ITGA1: variants seen among roughly 807,000 people sequenced by gnomAD.
ITGA1 encodes the protein integrin subunit alpha 1.
Under a neutral mutation model 145.9 loss-of-function variants are expected in ITGA1, and 85 were observed. That is an observed-to-expected ratio of 0.58 (90% confidence interval 0.49 to 0.70). The LOEUF is 0.70. Ranked by LOEUF, ITGA1 falls within the 30% of genes least tolerant of loss-of-function variation. The pLI is 0.00. For missense variants in ITGA1, 1,351 were observed against 1,418.7 expected, an observed-to-expected ratio of 0.95 and a Z score of 0.77; for synonymous variants, 520 against 495.3, an observed-to-expected ratio of 1.05 and a Z score of -0.66.
chr5:52,915,476 G>A lies in ITGA1; in HGVS notation c.1870G>A (p.Gly624Ser). The A allele has an allele frequency of 6.2e-7, 1 of 1,613,990 alleles. No individual in the cohort carries two copies. The highest frequency in any genetic ancestry group is 2.2e-5 in the East Asian group (1 of 44,876). ...TGGATTCTCACAGCGTATTCCATCA[G>A]GTGGGGATGGTAAGACACTGAAATT... ...RKEYAQRIPS[G>S]GDGKTLKFFG... The change falls in exon 15 of 29, where the codon GGT (glycine) becomes AGT (serine). Residue 624 changes from glycine to serine, a missense_variant. Physicochemically the swap from Gly to Ser is moderately conservative, Grantham distance 56 (BLOSUM62 0). Coordinates refer to ENST00000282588, the MANE Select transcript of ITGA1 (RefSeq NM_181501.2).
intron 15 of ITGA1, among the ~76,000 whole-genome samples, chr5:52,917,543 A>G (rs1750665081): frequency 1.5e-5 from 2 of 130,230 alleles, no homozygotes; most frequent in Admixed American, 1.7e-4. Context: ...TGGTATGTGC[A>G]TATGCTGGTA....
chr5:52,844,021 A>T (rs1749297247), intron 1 of ITGA1, among the ~76,000 whole-genome samples: 1 of 152,078 alleles, frequency 6.6e-6, no homozygotes, highest in Non-Finnish European at 1.5e-5. Flanking sequence ...CCTCTTTCTC[A>T]CTTAGTTTTC....
intron 1 of ITGA1, among the ~76,000 whole-genome samples, chr5:52,793,950 T>C (rs914733355): frequency 6.6e-6 from 1 of 152,078 alleles, no homozygotes; most frequent in Non-Finnish European, 1.5e-5. Context: ...GTTGTGTATA[T>C]AGGAAGAAGA....
At chr5:52,940,534 G>A (rs1216350296) in intron 26 of ITGA1, among the ~76,000 whole-genome samples, 7 of 150,714 alleles carry the variant, frequency 4.6e-5, no homozygotes, top group African/African-American at 9.8e-5. Context: ...TCAGCCTCCC[G>A]AGTAGCTGGG....
rs770477894 is a variant in ITGA1 at position 52,937,479 on chromosome 5, C to T, written c.3043C>T (p.Pro1015Ser). 3.7e-6 allele frequency: 6 copies of T among 1,612,606 alleles called. No homozygotes were observed. In the Admixed American group the frequency reaches 6.7e-5, roughly 18 times the overall value. The stretch of plus-strand genomic sequence containing the variant: ...CCCCAATATGACATCAAATGGTTAC[C>T]CTGTGCTGTACCCAACTGGATTGTC... ...SFPNMTSNGY[P>S]VLYPTGLSSS... Residue 1015 changes from proline to serine, a missense_variant, in exon 24 of 29, where the codon CCT becomes TCT. Coordinates refer to ENST00000282588, the MANE Select transcript of ITGA1 (RefSeq NM_181501.2).
At chr5:52,920,249 A>G (rs1750710995) in intron 16 of ITGA1, 83 bp from the exon 17 acceptor site, 10 of 1,073,630 alleles carry the variant, frequency 9.3e-6, no homozygotes, top group Middle Eastern at 2.3e-4. Context: ...AGATTTTTCT[A>G]TAATGCTAAT....
At chr5:52,903,542 A>G (rs920640287) in intron 11 of ITGA1, 1 of 152,234 alleles carries the variant, frequency 6.6e-6, no homozygotes, top group Non-Finnish European at 1.5e-5. Flanking sequence ...GTGTTCCTTT[A>G]GCACTTGTAA....
chr5:52,827,372 C>G (rs902710854), intron 1 of ITGA1, among the ~76,000 whole-genome samples: 47 of 152,108 alleles, frequency 3.1e-4, no homozygotes, highest in African/African-American at 1.0e-3. Flanking sequence ...GAAATCAATT[C>G]CTGAAATCAA....
intron 1 of ITGA1, among the ~76,000 whole-genome samples, chr5:52,839,622 T>C (rs1296111030): frequency 6.6e-6 from 1 of 152,212 alleles, no homozygotes; most frequent in Admixed American, 6.5e-5. Flanking sequence ...TTTAAATGAA[T>C]TTTATTAATT....
intron 26 of ITGA1, among the ~76,000 whole-genome samples, chr5:52,944,636 G>A (rs16880544): frequency 0.017 from 2,660 of 152,228 alleles, 90 homozygotes; most frequent in East Asian, 0.15. Flanking sequence ...GTTGTTTCAT[G>A]TCTTGCTACA....
rs1751339924 is a variant in ITGA1 at position 52,958,922 on chromosome 5, C to CAT, written c.*6473_*6474dup. On this transcript the variant is annotated 3_prime_UTR_variant, in exon 29 of 29. Transcript: ENST00000282588. Reference sequence around the variant, plus strand: ...TCGATTGCATTCAGGAACAAAGAAGCATAACCTTTGTTGACTCTTGTAATT... The same window carrying CAT: ...TCGATTGCATTCAGGAACAAAGAAGCATATAACCTTTGTTGACTCTTGTAATT... The CAT allele has an allele frequency of 6.6e-6, 1 of 152,092 alleles. No homozygotes were observed. Among genetic ancestry groups the CAT allele is most frequent in the South Asian group, 2.1e-4 (1 of 4,828 alleles). The allele number at this position is 152,092 out of a possible 1,614,324, so 9.4% of individuals were successfully genotyped here.
intron 11 of ITGA1, chr5:52,902,936 T>G (rs1750339697): frequency 6.6e-6 from 1 of 152,154 alleles, no homozygotes; most frequent in African/African-American, 2.4e-5. Flanking sequence ...ATATTTATAA[T>G]TATTTTCCTT....
chr5:52,926,551 G>A (rs1402463563), intron 19 of ITGA1, among the ~76,000 whole-genome samples: 7 of 152,012 alleles, frequency 4.6e-5, no homozygotes, highest in African/African-American at 1.2e-4. Flanking sequence ...GCAGTGAGCC[G>A]AGATTGCACC....
chr5:52,866,375 TG>T (rs1038749792), intron 6 of ITGA1, among the ~76,000 whole-genome samples: 1 of 152,200 alleles, frequency 6.6e-6, no homozygotes, highest in Admixed American at 6.5e-5. Flanking sequence ...TTAATGCACT[TG>T]AAAAATAACT....
intron 1 of ITGA1, among the ~76,000 whole-genome samples, chr5:52,844,275 C>CA: frequency 6.6e-6 from 1 of 152,290 alleles, no homozygotes; most frequent in South Asian, 2.1e-4. Flanking sequence ...TCTCCTTACT[C>CA]AGACTTTCCA....
intron 14 of ITGA1, among the ~76,000 whole-genome samples, chr5:52,914,471 C>A (rs910503846): frequency 6.6e-6 from 1 of 151,880 alleles, no homozygotes; most frequent in Non-Finnish European, 1.5e-5. Flanking sequence ...CCCGTCTCTA[C>A]TAAAAATACA....
intron 1 of ITGA1, among the ~76,000 whole-genome samples, chr5:52,788,849 T>G (rs914949680): frequency 6.7e-6 from 1 of 150,232 alleles, no homozygotes; most frequent in Non-Finnish European, 1.5e-5. Flanking sequence ...TGGACATTAT[T>G]GAATTTTCTT....
At chr5:52,864,690 T>C (rs1216617102) in intron 3 of ITGA1, 73 bp from the exon 4 acceptor site, 5 of 861,352 alleles carry the variant, frequency 5.8e-6, no homozygotes, top group Non-Finnish European at 9.4e-6. Flanking sequence ...AAATAGAATG[T>C]CTTAATGAGA....
intron 1 of ITGA1, among the ~76,000 whole-genome samples, chr5:52,814,806 T>C (rs1748739937): frequency 6.6e-6 from 1 of 152,154 alleles, no homozygotes; most frequent in African/African-American, 2.4e-5. Flanking sequence ...ACTACAAGTT[T>C]ATCAGTCTCT....
Sources: gnomAD v4.1 joint callset for allele counts (sites outside exome capture counted in the v4.1 genomes callset) on GRCh38, gnomAD v4.1.1 for gene constraint, MANE v1.5 for transcripts, NCBI Gene and HGNC (gene_info 2026-07-23, HGNC 2026-07-21) for gene names.